The following MSH3 variants were observed in gnomAD, a reference collection of about 807,000 sequenced individuals.
MSH3 encodes mutS homolog 3.
In MSH3, 106 loss-of-function variants were observed where a neutral mutation model predicts 123.3. The ratio of observed to expected loss-of-function variants is 0.86; its 90% confidence interval spans 0.73 to 1.01. MSH3 has a LOEUF of 1.01. Among genes scored for constraint, MSH3 ranks in the 50% least tolerant of loss-of-function variants. The pLI is 0.00. For synonymous variants in MSH3, 515 were observed against 481.4 expected (o/e 1.07, Z -0.91); for missense variants, 1,459 against 1,347.6 (o/e 1.08, Z -1.29).
intron 8 of MSH3, among the ~76,000 whole-genome samples, chr5:80,695,752 C>T (rs1750465429): frequency 6.6e-6 from 1 of 152,152 alleles, no homozygotes; most frequent in Non-Finnish European, 1.5e-5. Context: ...AGCATGGCTG[C>T]TCTGAAAGCT....
chr5:80,839,195 C>T (rs1326657745), intron 20 of MSH3, among the ~76,000 whole-genome samples: 1 of 152,066 alleles, frequency 6.6e-6, no homozygotes, highest in Admixed American at 6.6e-5. Context: ...ACCGAAACCC[C>T]ATCTCTACTA....
chr5:80,850,664 T>A (rs1745815311), intron 20 of MSH3, among the ~76,000 whole-genome samples: 1 of 152,072 alleles, frequency 6.6e-6, no homozygotes, highest in African/African-American at 2.4e-5. Flanking sequence ...AATTCAGTCA[T>A]CTCTCACCAG....
intron 19 of MSH3, among the ~76,000 whole-genome samples, chr5:80,808,594 TTA>T (rs1457597070): frequency 6.6e-6 from 1 of 152,018 alleles, no homozygotes; most frequent in African/African-American, 2.4e-5. Flanking sequence ...GTCTAAATTT[TTA>T]TATGATATTT....
At chr5:80,842,023 G>T (rs1341003533) in intron 20 of MSH3, among the ~76,000 whole-genome samples, 1 of 152,138 alleles carries the variant, frequency 6.6e-6, no homozygotes, top group Non-Finnish European at 1.5e-5. Context: ...TTCTTCTAGG[G>T]TTTTTATGGT....
intron 12 of MSH3, among the ~76,000 whole-genome samples, chr5:80,758,208 A>G (rs1743962290): frequency 6.6e-6 from 1 of 152,194 alleles, no homozygotes; most frequent in Admixed American, 6.5e-5. Context: ...ACCTGTTTAC[A>G]TATCTATGCC....
intron 19 of MSH3, among the ~76,000 whole-genome samples, chr5:80,793,487 G>A (rs2112027665): frequency 6.6e-6 from 1 of 152,300 alleles, no homozygotes; most frequent in South Asian, 2.1e-4. Context: ...GGATGGCCTG[G>A]GGATAGGTAG....
intron 15 of MSH3, among the ~76,000 whole-genome samples, chr5:80,771,260 G>A (rs140758481): frequency 1.2e-3 from 179 of 152,286 alleles, no homozygotes; most frequent in South Asian, 2.5e-3. Flanking sequence ...AAGGCAGGAG[G>A]ATCGCTTGAG....
intron 12 of MSH3, among the ~76,000 whole-genome samples, chr5:80,754,543 G>A (rs1328031760): frequency 5.9e-5 from 9 of 152,118 alleles, no homozygotes; most frequent in African/African-American, 1.9e-4. Flanking sequence ...ATACTTACCT[G>A]TTACTCACTC....
At chr5:80,834,856 C>T (rs896104027) in intron 20 of MSH3, among the ~76,000 whole-genome samples, 2 of 152,056 alleles carry the variant, frequency 1.3e-5, no homozygotes, top group Non-Finnish European at 2.9e-5. Context: ...TACCATGAGG[C>T]ATGTAGGGGT....
chr5:80,769,188 T>C (rs6151806), intron 15 of MSH3, among the ~76,000 whole-genome samples, 185 bp downstream of exon 15: 277 of 152,242 alleles, frequency 1.8e-3, no homozygotes, highest in African/African-American at 6.4e-3. Context: ...GTTTTATTAG[T>C]CTCTTGTTAA....
At chr5:80,739,121 C>A (rs27365) in intron 10 of MSH3, among the ~76,000 whole-genome samples, 1 of 152,274 alleles carries the variant, frequency 6.6e-6, no homozygotes, top group Non-Finnish European at 1.5e-5. Flanking sequence ...CTAGAGTCGA[C>A]GTCTGATTAG....
At chr5:80,779,060 C>T (rs1744362788) in intron 17 of MSH3, among the ~76,000 whole-genome samples, 1 of 148,728 alleles carries the variant, frequency 6.7e-6, no homozygotes, top group Non-Finnish European at 1.5e-5. Context: ...GGCACGATCT[C>T]GGCTCACTGC....
At chr5:80,717,086 C>T (rs6151708) in intron 8 of MSH3, among the ~76,000 whole-genome samples, 1 of 152,066 alleles carries the variant, frequency 6.6e-6, no homozygotes, top group Admixed American at 6.6e-5. Flanking sequence ...GTATATTCCA[C>T]ATTTTCATTA....
intron 7 of MSH3, 91 bp downstream of exon 7, chr5:80,675,219 G>T (rs1749814293): frequency 7.4e-7 from 1 of 1,342,998 alleles, no homozygotes; most frequent in Non-Finnish European, 1.1e-6. Context: ...AAGGATATCT[G>T]ATGAAGTGTA....
intron 8 of MSH3, among the ~76,000 whole-genome samples, chr5:80,687,136 C>T (rs939685225): frequency 3.3e-5 from 5 of 152,084 alleles, no homozygotes; most frequent in Non-Finnish European, 7.4e-5. Flanking sequence ...TAATGATACA[C>T]TATCAATTTT....
At chr5:80,865,860 A>G (rs544640686) in intron 22 of MSH3, among the ~76,000 whole-genome samples, 1 of 152,336 alleles carries the variant, frequency 6.6e-6, no homozygotes, top group South Asian at 2.1e-4. Flanking sequence ...CACTGGGCCT[A>G]AGATAAATGT....
intron 10 of MSH3, among the ~76,000 whole-genome samples, chr5:80,734,896 C>T (rs537900177): frequency 2.6e-4 from 40 of 152,162 alleles, no homozygotes; most frequent in Non-Finnish European, 7.3e-5. Flanking sequence ...CGGTTCTGCA[C>T]CAAGTGTTGT....
chr5:80,747,479 C>G (rs769614557), intron 12 of MSH3, among the ~76,000 whole-genome samples: 12 of 152,170 alleles, frequency 7.9e-5, no homozygotes, highest in Non-Finnish European at 1.5e-5. Context: ...AAAACAAACA[C>G]ACGAACCTTT....
chr5:80,716,468 G>C (rs1179902311), intron 8 of MSH3, among the ~76,000 whole-genome samples: 1 of 150,456 alleles, frequency 6.6e-6, no homozygotes, highest in Admixed American at 6.6e-5. Context: ...GTTTTGCTCT[G>C]TTGCCAGGCT....
Sources: gnomAD v4.1 joint callset for allele counts (sites outside exome capture counted in the v4.1 genomes callset) on GRCh38, gnomAD v4.1.1 for gene constraint, MANE v1.5 for transcripts, NCBI Gene and HGNC (gene_info 2026-07-23, HGNC 2026-07-21) for gene names.